Variants in IMMP2L observed in about 807,000 individuals in gnomAD.
The protein encoded by IMMP2L is mitochondrial inner membrane protease subunit 2.
In IMMP2L, 18 loss-of-function variants were observed where a neutral mutation model predicts 19.3. That is an observed-to-expected ratio of 0.93 (90% confidence interval 0.64 to 1.38). The LOEUF (loss-of-function observed/expected upper bound fraction) is 1.38, where lower values mean the gene tolerates loss of function less well. Among genes scored for constraint, IMMP2L ranks in the 40% most tolerant of loss-of-function variants. The pLI, the probability that IMMP2L is intolerant of heterozygous loss-of-function variation, is 0.00. For synonymous variants in IMMP2L, 76 were observed against 73.0 expected (o/e 1.04, Z -0.21); for missense variants, 233 against 218.2 (o/e 1.07, Z -0.43).
intron 3 of IMMP2L, among the ~76,000 whole-genome samples, chr7:111,329,697 T>C (rs1183387475): frequency 6.6e-6 from 1 of 151,664 alleles, no homozygotes; most frequent in Non-Finnish European, 1.5e-5. Context: ...TTGGAAACTA[T>C]ACATTAGAGA....
intron 4 of IMMP2L, among the ~76,000 whole-genome samples, chr7:110,925,496 G>C (rs1173536911): frequency 6.6e-6 from 1 of 151,940 alleles, no homozygotes; most frequent in East Asian, 1.9e-4. Flanking sequence ...TAGATCTACT[G>C]ACATTCTGTC....
intron 3 of IMMP2L, among the ~76,000 whole-genome samples, chr7:110,980,256 C>G (rs539078702): frequency 2.0e-3 from 147 of 72,842 alleles, no homozygotes; most frequent in African/African-American, 5.6e-3. Context: ...TTTTAGGAGT[C>G]TCGCTCTGTC....
intron 4 of IMMP2L, among the ~76,000 whole-genome samples, chr7:110,930,229 T>C (rs1163062766): frequency 1.3e-5 from 2 of 152,188 alleles, no homozygotes; most frequent in African/African-American, 4.8e-5. Flanking sequence ...GGAAAGACAG[T>C]GATCCGCTCC....
At chr7:110,791,650 A>C (rs1252303946) in intron 5 of IMMP2L, among the ~76,000 whole-genome samples, 1 of 151,806 alleles carries the variant, frequency 6.6e-6, no homozygotes, top group Non-Finnish European at 1.5e-5. Flanking sequence ...TTACTAATAA[A>C]GTTGATCAAA....
intron 4 of IMMP2L, among the ~76,000 whole-genome samples, chr7:110,943,700 A>G (rs1816954615): frequency 6.6e-6 from 1 of 152,002 alleles, no homozygotes; most frequent in Non-Finnish European, 1.5e-5. Context: ...TATTAACTGC[A>G]GGCTATTGAG....
At chr7:110,918,452 C>CTTTTTTTTTTTTT (rs1029668134) in intron 4 of IMMP2L, among the ~76,000 whole-genome samples, 37 of 130,440 alleles carry the variant, frequency 2.8e-4, no homozygotes, top group Admixed American at 3.9e-4. Context: ...TTCTTTTTTT[C>CTTTTTTTTTTTTT]TTTTTTTTTT....
At chr7:111,452,740 A>T (rs894858077) in intron 3 of IMMP2L, among the ~76,000 whole-genome samples, 7 of 152,118 alleles carry the variant, frequency 4.6e-5, no homozygotes, top group Non-Finnish European at 1.0e-4. Context: ...AGGTTGCTAT[A>T]GCTCTCCAAT....
chr7:111,112,164 C>G (rs534465693), intron 3 of IMMP2L, among the ~76,000 whole-genome samples: 5 of 151,604 alleles, frequency 3.3e-5, no homozygotes, highest in African/African-American at 1.2e-4. Flanking sequence ...GACTGGGTTT[C>G]GCCATGTTGG....
chr7:111,004,190 C>T (rs1048993190), intron 3 of IMMP2L, among the ~76,000 whole-genome samples: 9 of 152,000 alleles, frequency 5.9e-5, no homozygotes, highest in Admixed American at 2.6e-4. Context: ...ATCCTAACTT[C>T]ATAGGGTTGC....
chr7:110,806,658 C>A (rs1351870246), intron 5 of IMMP2L, among the ~76,000 whole-genome samples: 4 of 151,864 alleles, frequency 2.6e-5, no homozygotes, highest in African/African-American at 9.7e-5. Flanking sequence ...ACTAAAAAGG[C>A]AATTAAAATG....
At chr7:111,487,171 AC>A in intron 3 of IMMP2L, 66 bp downstream of exon 3, 1 of 701,740 alleles carries the variant, frequency 1.4e-6, no homozygotes. Context: ...ACAGTGGATT[AC>A]CAGTTAAATC....
chr7:110,669,312 T>C (rs1791727799), intron 5 of IMMP2L, among the ~76,000 whole-genome samples: 1 of 152,150 alleles, frequency 6.6e-6, no homozygotes, highest in African/African-American at 2.4e-5. Flanking sequence ...CTGAAGACGA[T>C]CTGCTGGTGT....
chr7:111,065,925 T>C (rs2129574890), intron 3 of IMMP2L, among the ~76,000 whole-genome samples: 1 of 151,824 alleles, frequency 6.6e-6, no homozygotes, highest in African/African-American at 2.4e-5. Flanking sequence ...CGCGCGCGTG[T>C]ATGCGCGCGC....
chr7:111,232,042 T>C (rs1349242042), intron 3 of IMMP2L, among the ~76,000 whole-genome samples: 3 of 151,978 alleles, frequency 2.0e-5, no homozygotes, highest in East Asian at 1.9e-4. Context: ...GTATCACTCA[T>C]AATTTAAAAG....
intron 1 of IMMP2L, among the ~76,000 whole-genome samples, chr7:111,553,467 T>C (rs975711886): frequency 6.6e-6 from 1 of 152,212 alleles, no homozygotes; most frequent in Non-Finnish European, 1.5e-5. Context: ...TGCTCCATTG[T>C]GCTCTGTGGA....
At chr7:111,034,014 T>C (rs1443631410) in intron 3 of IMMP2L, among the ~76,000 whole-genome samples, 1 of 152,150 alleles carries the variant, frequency 6.6e-6, no homozygotes, top group African/African-American at 2.4e-5. Flanking sequence ...GAAGAATAAC[T>C]GCAAAAAGGA....
chr7:111,302,473 T>C (rs1822366904), intron 3 of IMMP2L, among the ~76,000 whole-genome samples: 1 of 152,122 alleles, frequency 6.6e-6, no homozygotes, highest in Admixed American at 6.6e-5. Context: ...CATCTATACA[T>C]AGCACTTGTC....
intron 3 of IMMP2L, among the ~76,000 whole-genome samples, chr7:111,266,939 A>C (rs1489525883): frequency 6.6e-6 from 1 of 152,086 alleles, no homozygotes; most frequent in Non-Finnish European, 1.5e-5. Context: ...TGAAGAAAGC[A>C]AAGTCAAGGC....
intron 1 of IMMP2L, among the ~76,000 whole-genome samples, chr7:111,551,501 T>C (rs1585655604): frequency 6.8e-6 from 1 of 147,218 alleles, no homozygotes; most frequent in Non-Finnish European, 1.5e-5. Context: ...TAGAGGTGTG[T>C]GTGTGTGTGT....
Sources: gnomAD v4.1 joint callset for allele counts (sites outside exome capture counted in the v4.1 genomes callset) on GRCh38, gnomAD v4.1.1 for gene constraint, MANE v1.5 for transcripts, NCBI Gene and HGNC (gene_info 2026-07-23, HGNC 2026-07-21) for gene names.